The following IL19 variants were observed in gnomAD, a reference collection of about 807,000 sequenced individuals.
IL19 encodes the protein interleukin-19.
Under a neutral mutation model 19.5 loss-of-function variants are expected in IL19, and 15 were observed. The ratio of observed to expected loss-of-function variants is 0.77; its 90% CI spans 0.52 to 1.19. The LOEUF is 1.19. Among genes scored for constraint, IL19 ranks in the 50% most tolerant of loss-of-function variants. IL19 has a pLI of 0.00. For missense variants in IL19, 199 were observed against 213.1 expected, an observed-to-expected ratio of 0.93 and a Z score of 0.41; for synonymous variants, 78 against 78.3, an observed-to-expected ratio of 1.00 and a Z score of 0.02.
chr1:206,835,039 G>A (rs1435270953), intron 2 of IL19, among the ~76,000 whole-genome samples: 3 of 152,198 alleles, frequency 2.0e-5, no homozygotes, highest in Non-Finnish European at 2.9e-5. Context: ...CACATGGCAC[G>A]CAGGATAAAT....
At chr1:206,810,966 A>G (rs1675992388) in intron 2 of IL19, among the ~76,000 whole-genome samples, 1 of 152,150 alleles carries the variant, frequency 6.6e-6, no homozygotes, top group South Asian at 2.1e-4. Flanking sequence ...CCATGATTGG[A>G]TTCTTCCTGG....
intron 2 of IL19, among the ~76,000 whole-genome samples, chr1:206,830,135 G>A (rs761354562): frequency 1.3e-5 from 2 of 152,204 alleles, no homozygotes; most frequent in Non-Finnish European, 2.9e-5. Context: ...CATGGGGTTA[G>A]AAAGGGCGCT....
At chr1:206,833,479 T>A (rs1280464007) in intron 2 of IL19, among the ~76,000 whole-genome samples, 1 of 152,276 alleles carries the variant, frequency 6.6e-6, no homozygotes, top group African/African-American at 2.4e-5. Flanking sequence ...AGGTTTGGCC[T>A]ATTGGCCTAG....
chr1:206,776,807 C>T (rs1185891108), intron 1 of IL19, among the ~76,000 whole-genome samples: 1 of 148,240 alleles, frequency 6.7e-6, no homozygotes, highest in Non-Finnish European at 1.5e-5. Flanking sequence ...GGACAATGAT[C>T]GGGACATAAA....
chr1:206,795,389 T>C (rs2102457074), intron 1 of IL19, among the ~76,000 whole-genome samples: 1 of 152,320 alleles, frequency 6.6e-6, no homozygotes, highest in East Asian at 1.9e-4. Context: ...TCCTGGATGG[T>C]GTTTGGTCAG....
At chr1:206,829,740 T>A (rs1381317283) in intron 2 of IL19, among the ~76,000 whole-genome samples, 2 of 152,112 alleles carry the variant, frequency 1.3e-5, no homozygotes, top group African/African-American at 4.8e-5. Context: ...TCAGTTGGGC[T>A]CTTTCCATTA....
chr1:206,830,622 A>G lies in IL19; in HGVS notation c.-2-6039A>G, dbSNP rs191083931. ...GAGATGGAGTCTTGCTCTGTTGCCC[A>G]GGCTGGAGTGCAGTGGTGCGGTCTC... On this transcript the variant is annotated intron_variant, in intron 2 of 6. Transcript: ENST00000659997. Among the ~76,000 whole-genome samples, 1,162 of 152,148 alleles carry G rather than the reference A, an allele frequency of 7.6e-3. 8 individuals carry two copies. The highest frequency in any genetic ancestry group is 0.027 in the Middle Eastern group (8 of 294).
At chr1:206,787,076 C>T (rs182859943) in intron 1 of IL19, among the ~76,000 whole-genome samples, 1 of 152,188 alleles carries the variant, frequency 6.6e-6, no homozygotes, top group Admixed American at 6.5e-5. Flanking sequence ...CCCACAGGTT[C>T]TCTCCACAAG....
intron 2 of IL19, among the ~76,000 whole-genome samples, chr1:206,810,477 G>A (rs997798347): frequency 6.6e-6 from 1 of 152,184 alleles, no homozygotes; most frequent in Non-Finnish European, 1.5e-5. Context: ...CCCCCAGAAT[G>A]CCTAGAGGAC....
intron 2 of IL19, among the ~76,000 whole-genome samples, chr1:206,819,231 G>GA (rs1676235143): frequency 6.6e-6 from 1 of 152,040 alleles, no homozygotes; most frequent in East Asian, 1.9e-4. Flanking sequence ...AACCCACACT[G>GA]TTCAATATAA....
chr1:206,772,001 C>T (rs945062764), intron 1 of IL19, among the ~76,000 whole-genome samples: 1 of 152,198 alleles, frequency 6.6e-6, no homozygotes, highest in African/African-American at 2.4e-5. Context: ...AAGTATAGAG[C>T]GCCAGCAGGA....
intron 2 of IL19, among the ~76,000 whole-genome samples, chr1:206,810,458 C>T (rs772171894): frequency 6.6e-6 from 1 of 152,192 alleles, no homozygotes; most frequent in Non-Finnish European, 1.5e-5. Context: ...CTACCAGCCT[C>T]ACATCCATCC....
intron 2 of IL19, among the ~76,000 whole-genome samples, chr1:206,833,109 T>C (rs1049901256): frequency 3.5e-4 from 53 of 152,344 alleles, no homozygotes; most frequent in African/African-American, 1.3e-3. Flanking sequence ...AAGACAAAAT[T>C]ACAACACATT....
chr1:206,812,737 T>C (rs185769019), intron 2 of IL19, among the ~76,000 whole-genome samples: 42 of 152,254 alleles, frequency 2.8e-4, no homozygotes, highest in Admixed American at 2.4e-3. Flanking sequence ...AAACATAAAA[T>C]AGGCAGTGGA....
At position 206,770,835 on chromosome 1, in the gene IL19, G is replaced by C. The variant is rs1315130148; in HGVS notation, c.-392G>C. ...GTCTTTGCTGTGTCTGTGGATGTGA[G>C]TGTCCCTGCTGGTCTGTAGGAGATG... On this transcript the variant is annotated 5_prime_UTR_variant, in exon 1 of 7. Coordinates refer to ENST00000659997, the MANE Select transcript of IL19 (RefSeq NM_153758.5). The C allele has an allele frequency of 7.1e-7, 1 of 1,411,272 alleles. No individual in the cohort carries two copies. The highest frequency in any genetic ancestry group is 1.4e-5 in the African/African-American group (1 of 71,478). The allele number at this position is 1,411,272 out of a possible 1,614,324, so 87.4% of individuals were successfully genotyped here. A position where few individuals can be genotyped will look rare whatever the true frequency, so the allele number is the denominator to read the frequency against.
At chr1:206,802,526 C>G (rs1422701652) in intron 2 of IL19, among the ~76,000 whole-genome samples, 1 of 152,072 alleles carries the variant, frequency 6.6e-6, no homozygotes, top group African/African-American at 2.4e-5. Context: ...GATCACGAAG[C>G]CAATAAGTGA....
chr1:206,771,451 T>A, intron 1 of IL19: 1 of 1,549,408 alleles, frequency 6.5e-7, no homozygotes, highest in Non-Finnish European at 8.8e-7. Flanking sequence ...AACTTGAGGT[T>A]TGGGGAAATA....
At chr1:206,823,138 C>T (rs1035904098) in intron 2 of IL19, among the ~76,000 whole-genome samples, 9 of 151,970 alleles carry the variant, frequency 5.9e-5, no homozygotes, top group Non-Finnish European at 1.3e-4. Flanking sequence ...CCATGTTGGC[C>T]AGGCTGGTCT....
chr1:206,824,897 G>T (rs780985655), intron 2 of IL19, among the ~76,000 whole-genome samples: 1 of 152,154 alleles, frequency 6.6e-6, no homozygotes, highest in Non-Finnish European at 1.5e-5. Flanking sequence ...TGGGATTACA[G>T]GCGCCCATCA....
Sources: allele counts gnomAD v4.1 joint callset (sites outside exome capture counted in the v4.1 genomes callset), GRCh38; gene constraint gnomAD v4.1.1; transcripts MANE v1.5; gene names NCBI Gene and HGNC (gene_info 2026-07-23, HGNC 2026-07-21).